The following CCSER2 variants were observed in gnomAD, a reference collection of about 807,000 sequenced individuals.
CCSER2 encodes coiled-coil serine rich protein 2.
Under a neutral mutation model 92.3 loss-of-function variants are expected in CCSER2, and 46 were observed. The observed-to-expected ratio is 0.50, with a 90% confidence interval of 0.39 to 0.64. CCSER2 has a LOEUF of 0.64. CCSER2 is among the 30% of genes least tolerant of loss of function. The pLI is 0.00. For missense variants in CCSER2, 1,244 were observed against 1,238.9 expected (o/e 1.00, Z -0.06); for synonymous variants, 433 against 431.4 (o/e 1.00, Z -0.04).
chr10:84,348,810 A>G (rs1439794367), intron 1 of CCSER2, among the ~76,000 whole-genome samples: 18 of 152,156 alleles, frequency 1.2e-4, no homozygotes, highest in Admixed American at 1.2e-3. Context: ...AAAATATCTA[A>G]ATACTCTTTA....
At chr10:84,447,631 A>G (rs1435202896) in intron 6 of CCSER2, among the ~76,000 whole-genome samples, 1 of 152,200 alleles carries the variant, frequency 6.6e-6, no homozygotes, top group Non-Finnish European at 1.5e-5. Context: ...AGGCCATAAA[A>G]ATATTCTATT....
chr10:84,342,436 C>T (rs1227782403), intron 1 of CCSER2, among the ~76,000 whole-genome samples: 1 of 152,192 alleles, frequency 6.6e-6, no homozygotes, highest in African/African-American at 2.4e-5. Context: ...TGCCTTAACT[C>T]TTGTCATTCC....
chr10:84,468,170 C>T (rs1846565830), intron 7 of CCSER2, among the ~76,000 whole-genome samples: 1 of 152,122 alleles, frequency 6.6e-6, no homozygotes. Context: ...CTTTCCCTCA[C>T]CTTTGTATTA....
chr10:84,397,291 TA>T (rs1841896600), intron 3 of CCSER2, among the ~76,000 whole-genome samples: 1 of 152,186 alleles, frequency 6.6e-6, no homozygotes, highest in Non-Finnish European at 1.5e-5. Context: ...ATAATGTCCT[TA>T]AGATATGAAA....
chr10:84,449,321 G>A (rs1845125341), intron 6 of CCSER2, among the ~76,000 whole-genome samples: 1 of 152,176 alleles, frequency 6.6e-6, no homozygotes, highest in Admixed American at 6.5e-5. Context: ...GTTGCAGCGA[G>A]CTGAGATCAT....
At chr10:84,468,838 G>T in intron 7 of CCSER2, among the ~76,000 whole-genome samples, 1 of 152,040 alleles carries the variant, frequency 6.6e-6, no homozygotes, top group East Asian at 1.9e-4. Context: ...TATTTTGATG[G>T]CTCTTAAACA....
At chr10:84,476,059 C>A (rs1171582303) in intron 8 of CCSER2, among the ~76,000 whole-genome samples, 1 of 152,052 alleles carries the variant, frequency 6.6e-6, no homozygotes, top group Non-Finnish European at 1.5e-5. Context: ...TGGTCTGGAA[C>A]CCCTGGGCCC....
chr10:84,400,072 C>T (rs932258947), intron 3 of CCSER2, among the ~76,000 whole-genome samples: 1 of 151,990 alleles, frequency 6.6e-6, no homozygotes, highest in Non-Finnish European at 1.5e-5. Flanking sequence ...GCCCATTTAA[C>T]TGGGCTGTTT....
intron 8 of CCSER2, among the ~76,000 whole-genome samples, chr10:84,471,728 G>A (rs1022025275): frequency 2.6e-5 from 4 of 152,094 alleles, no homozygotes; most frequent in African/African-American, 9.7e-5. Flanking sequence ...AAAACTTACT[G>A]CCCATTTTAC....
intron 3 of CCSER2, among the ~76,000 whole-genome samples, chr10:84,399,367 CT>C (rs1041303064): frequency 2.6e-5 from 4 of 152,028 alleles, no homozygotes; most frequent in Non-Finnish European, 5.9e-5. Flanking sequence ...TGATCTCATT[CT>C]TTTTTATGGC....
rs1024763730 is a variant in CCSER2, at chr10:84,455,807, G to A, written c.2065-8126G>A. Reference sequence around the variant, plus strand: ...AATGTAGATTTTCACAGACTTATCTGACTGATCCCATCCATAATTACTGGT... The same window carrying A: ...AATGTAGATTTTCACAGACTTATCTAACTGATCCCATCCATAATTACTGGT... On this transcript the variant is annotated intron_variant, in intron 6 of 9. Coordinates refer to ENST00000372088, the MANE Select transcript of CCSER2 (RefSeq NM_001284240.2). 7 of 1,026,488 alleles carry A rather than the reference G, an allele frequency of 6.8e-6. No homozygotes were observed. The African/African-American group carries it at 1.1e-4, about 16-fold the overall frequency. 63.6% of individuals were successfully genotyped at this position (1,026,488 alleles called of 1,614,324 possible).
intron 9 of CCSER2, among the ~76,000 whole-genome samples, chr10:84,481,565 G>A (rs1348464731): frequency 6.6e-6 from 1 of 152,108 alleles, no homozygotes; most frequent in Non-Finnish European, 1.5e-5. Flanking sequence ...CCCAGCAAGG[G>A]AATAGTGGCT....
At chr10:84,431,827 C>G (rs2133466396) in intron 5 of CCSER2, among the ~76,000 whole-genome samples, 1 of 152,290 alleles carries the variant, frequency 6.6e-6, no homozygotes, top group East Asian at 1.9e-4. Context: ...TGGTTGCTTC[C>G]AAGTTTTAAC....
At chr10:84,412,879 G>GT (rs1418688525) in intron 3 of CCSER2, among the ~76,000 whole-genome samples, 2 of 152,186 alleles carry the variant, frequency 1.3e-5, no homozygotes, top group Non-Finnish European at 2.9e-5. Context: ...CAAAAAAGGT[G>GT]TATGTGTCCA....
chr10:84,475,941 TCTCA>T (rs1317024095), intron 8 of CCSER2, among the ~76,000 whole-genome samples: 1 of 152,130 alleles, frequency 6.6e-6, no homozygotes, highest in East Asian at 1.9e-4. Flanking sequence ...CAGGTGATCC[TCTCA>T]CTCAACCTCC....
At chr10:84,511,240 C>T (rs1380275206) in intron 9 of CCSER2, among the ~76,000 whole-genome samples, 1 of 152,076 alleles carries the variant, frequency 6.6e-6, no homozygotes, top group Non-Finnish European at 1.5e-5. Context: ...GCATTTAATA[C>T]AAGTAGCTTG....
intron 3 of CCSER2, among the ~76,000 whole-genome samples, chr10:84,379,985 A>T (rs1241460777): frequency 6.6e-6 from 1 of 152,174 alleles, no homozygotes; most frequent in Non-Finnish European, 1.5e-5. Context: ...CATATAAGTC[A>T]GTTTCTTTAG....
At chr10:84,471,658 AAATG>A (rs1370326390) in intron 8 of CCSER2, among the ~76,000 whole-genome samples, 4 of 152,160 alleles carry the variant, frequency 2.6e-5, no homozygotes, top group Non-Finnish European at 5.9e-5. Flanking sequence ...ATAAAGATTA[AAATG>A]AATGAGCGGT....
At chr10:84,358,195 A>G (rs750459886) in intron 1 of CCSER2, among the ~76,000 whole-genome samples, 6 of 152,194 alleles carry the variant, frequency 3.9e-5, no homozygotes, top group Non-Finnish European at 7.3e-5. Flanking sequence ...GAGAAGCCAG[A>G]TGGTGACTTA....
Sources: allele counts gnomAD v4.1 joint callset (sites outside exome capture counted in the v4.1 genomes callset), GRCh38; gene constraint gnomAD v4.1.1; transcripts MANE v1.5; gene names NCBI Gene and HGNC (gene_info 2026-07-23, HGNC 2026-07-21).